Variants in CDKAL1 observed in about 807,000 individuals in gnomAD.
The protein encoded by CDKAL1 is threonylcarbamoyladenosine tRNA methylthiotransferase.
In CDKAL1, 32 loss-of-function variants were observed where a neutral mutation model predicts 68.2. The observed-to-expected ratio is 0.47, with a 90% CI of 0.35 to 0.63. The LOEUF (loss-of-function observed/expected upper bound fraction) is 0.63, where lower values mean the gene tolerates loss of function less well. Among genes scored for constraint, CDKAL1 ranks in the 30% least tolerant of loss-of-function variants. The pLI is 0.00. For synonymous variants in CDKAL1, 234 were observed against 244.3 expected, an observed-to-expected ratio of 0.96 and a Z score of 0.39; for missense variants, 606 against 696.7, an observed-to-expected ratio of 0.87 and a Z score of 1.47.
At chr6:21,135,591 C>G (rs1199616023) in intron 13 of CDKAL1, 1 of 601,440 alleles carries the variant, frequency 1.7e-6, no homozygotes, top group East Asian at 1.4e-4. Context: ...GGTAAAGGAC[C>G]ATATGCTAGT....
intron 5 of CDKAL1, among the ~76,000 whole-genome samples, chr6:20,735,166 G>A (rs2150318405): frequency 1.3e-5 from 2 of 152,250 alleles, no homozygotes; most frequent in Admixed American, 6.5e-5. Context: ...CACTGCATCC[G>A]ACCTTCTCTT....
At chr6:20,980,871 C>T (rs977017715) in intron 10 of CDKAL1, among the ~76,000 whole-genome samples, 19 of 152,074 alleles carry the variant, frequency 1.2e-4, no homozygotes, top group Admixed American at 3.9e-4. Flanking sequence ...ATACTCTCAC[C>T]GCCGCTTTGT....
intron 5 of CDKAL1, among the ~76,000 whole-genome samples, chr6:20,669,423 C>T (rs1271424672): frequency 1.3e-5 from 2 of 151,970 alleles, no homozygotes; most frequent in Non-Finnish European, 2.9e-5. Context: ...AGACATAATC[C>T]GTAACTATCA....
intron 13 of CDKAL1, among the ~76,000 whole-genome samples, chr6:21,132,514 GTC>G (rs1274130034): frequency 4.0e-3 from 600 of 149,916 alleles, no homozygotes; most frequent in African/African-American, 0.014. Context: ...TTAATATGTA[GTC>G]ATTCCTTTTT....
At chr6:20,762,039 G>C (rs1028389412) in intron 7 of CDKAL1, among the ~76,000 whole-genome samples, 7 of 152,088 alleles carry the variant, frequency 4.6e-5, no homozygotes, top group African/African-American at 1.7e-4. Flanking sequence ...TATAGAAACT[G>C]TACTTCTGCT....
chr6:20,934,892 C>T (rs1175711603), intron 9 of CDKAL1, among the ~76,000 whole-genome samples: 1 of 140,848 alleles, frequency 7.1e-6, no homozygotes, highest in East Asian at 2.1e-4. Context: ...CTTAATTCCG[C>T]CTTATACATT....
chr6:20,771,917 A>C (rs541711539), intron 7 of CDKAL1, among the ~76,000 whole-genome samples: 1 of 152,300 alleles, frequency 6.6e-6, no homozygotes, highest in South Asian at 2.1e-4. Context: ...ACCGTGAGCC[A>C]ATTAAACCTC....
In CDKAL1 at chr6:21,082,391, CT is replaced by C. The variant is rs759358479; in HGVS notation, c.1236+17167del. On this transcript the variant is annotated intron_variant, in intron 12 of 15. Coordinates refer to ENST00000274695, the MANE Select transcript of CDKAL1 (RefSeq NM_017774.3). ...TTCTTTCAACAATCTTTTTAGGTGT[CT>C]TTTATGACTTTTACTTTGCACATGA... 7.9e-5 allele frequency among the ~76,000 whole-genome samples: 12 copies of C among 152,250 alleles called. No individual in the cohort carries two copies. In the South Asian group the frequency reaches 8.3e-4, roughly 11 times the overall value.
chr6:21,046,438 G>A lies in CDKAL1; in HGVS notation c.1056-18610G>A, dbSNP rs1482863049. On this transcript the variant is annotated intron_variant, in intron 11 of 15. Transcript: ENST00000274695. ...GTGGGTAGTGGGCTCCCTTGGAGCC[G>A]CTGTTGTGGCAAGAAAGGACTTTGG... Among the ~76,000 whole-genome samples the A allele has an allele frequency of 3.3e-5, 5 of 152,200 alleles. No individual in the cohort carries two copies. In the South Asian group the frequency reaches 1.0e-3, roughly 32 times the overall value.
At chr6:20,575,904 G>A (rs571611649) in intron 4 of CDKAL1, among the ~76,000 whole-genome samples, 53 of 152,154 alleles carry the variant, frequency 3.5e-4, no homozygotes, top group Middle Eastern at 3.4e-3. Flanking sequence ...CAAATCTGTC[G>A]TGCCCCTTAC....
chr6:21,008,593 AAT>A (rs144525679), intron 11 of CDKAL1, among the ~76,000 whole-genome samples: 20 of 152,334 alleles, frequency 1.3e-4, no homozygotes, highest in African/African-American at 4.8e-4. Flanking sequence ...TTCTTTTCCA[AAT>A]TTCATGAGTA....
At chr6:21,150,517 G>A (rs532750824) in intron 13 of CDKAL1, among the ~76,000 whole-genome samples, 1 of 152,112 alleles carries the variant, frequency 6.6e-6, no homozygotes, top group Non-Finnish European at 1.5e-5. Context: ...CCTAGTTGGG[G>A]CAATGAAGGC....
intron 12 of CDKAL1, among the ~76,000 whole-genome samples, chr6:21,099,673 G>A (rs973149225): frequency 2.0e-5 from 3 of 152,208 alleles, no homozygotes; most frequent in Non-Finnish European, 4.4e-5. Flanking sequence ...ATAGCAACTC[G>A]TGTTCTTATG....
At chr6:20,560,637 A>G (rs1764230457) in intron 4 of CDKAL1, among the ~76,000 whole-genome samples, 1 of 152,232 alleles carries the variant, frequency 6.6e-6, no homozygotes, top group Non-Finnish European at 1.5e-5. Flanking sequence ...TAATATGGTT[A>G]AAGAGGCTTA....
intron 5 of CDKAL1, among the ~76,000 whole-genome samples, chr6:20,720,367 A>G (rs1289789156): frequency 6.6e-6 from 1 of 152,064 alleles, no homozygotes; most frequent in African/African-American, 2.4e-5. Context: ...TAGGGTGTCC[A>G]CCACCCACGT....
At chr6:21,078,540 A>G (rs148672050) in intron 12 of CDKAL1, among the ~76,000 whole-genome samples, 2 of 152,326 alleles carry the variant, frequency 1.3e-5, no homozygotes, top group Non-Finnish European at 2.9e-5. Context: ...GCCATGAGTG[A>G]TTAACTAGCC....
rs1332538408 is a variant in CDKAL1, at chr6:20,656,023, A to G, written c.371+6646A>G. ...CTAGCTTAATTCTTGCAGCCTATCA[A>G]TGAGTTGTAGATTCCATTTGTATTC... On this transcript the variant is annotated intron_variant, in intron 5 of 15. Coordinates refer to ENST00000274695, the MANE Select transcript of CDKAL1 (RefSeq NM_017774.3). Among the ~76,000 whole-genome samples the G allele has an allele frequency of 3.9e-5, 6 of 152,164 alleles. No individual in the cohort carries two copies. In the East Asian group the frequency reaches 5.8e-4, roughly 15 times the overall value.
At chr6:20,887,332 A>G (rs1761118297) in intron 9 of CDKAL1, among the ~76,000 whole-genome samples, 1 of 152,168 alleles carries the variant, frequency 6.6e-6, no homozygotes, top group African/African-American at 2.4e-5. Flanking sequence ...ACTAAGAGAA[A>G]TTTGTCAAAA....
At position 20,539,600 on chromosome 6, in the gene CDKAL1, G is replaced by A. The variant is rs1163800683; in HGVS notation, c.-6+4206G>A. Reference sequence around the variant, plus strand: ...GGTGTCTTAAGTAAGAGCATTCCAGGCAAGAATAAGACTGTGAAATGAATG... The same window carrying A: ...GGTGTCTTAAGTAAGAGCATTCCAGACAAGAATAAGACTGTGAAATGAATG... On this transcript the variant is annotated intron_variant, in intron 2 of 15. Coordinates refer to ENST00000274695, the MANE Select transcript of CDKAL1 (RefSeq NM_017774.3). This position sits in a 1 kb window ranked among gnomAD's most constrained non-coding sequence, Gnocchi z 4.3. 6.6e-6 allele frequency among the ~76,000 whole-genome samples: 1 copy of A among 152,152 alleles called. No individual in the cohort carries two copies. The highest frequency in any genetic ancestry group is 2.4e-5 in the African/African-American group (1 of 41,430).
Sources: gnomAD v4.1 joint callset for allele counts (sites outside exome capture counted in the v4.1 genomes callset) on GRCh38, gnomAD v4.1.1 for gene constraint, Gnocchi (gnomAD v3.1) non-coding constraint, MANE v1.5 for transcripts, NCBI Gene and HGNC (gene_info 2026-07-23, HGNC 2026-07-21) for gene names.